DPP6: variants seen among roughly 807,000 people sequenced by gnomAD.
The protein encoded by DPP6 is A-type potassium channel modulatory protein DPP6.
DPP6 carries 69 observed loss-of-function variants against 122.6 expected under a neutral mutation model. The observed-to-expected ratio is 0.56, with a 90% confidence interval of 0.46 to 0.69. DPP6 has a LOEUF of 0.69. Ranked by LOEUF, DPP6 falls within the 30% of genes least tolerant of loss-of-function variation. The probability of loss-of-function intolerance (pLI) is 0.00; values close to 1 mark genes in which losing one functional copy is unlikely to be tolerated. For synonymous variants in DPP6, 418 were observed against 433.1 expected, an observed-to-expected ratio of 0.97 and a Z score of 0.43; for missense variants, 928 against 1,116.9, an observed-to-expected ratio of 0.83 and a Z score of 2.41.
chr7:153,957,578 G>T (rs1164450635), intron 1 of DPP6, among the ~76,000 whole-genome samples: 4 of 152,200 alleles, frequency 2.6e-5, no homozygotes, highest in Admixed American at 2.0e-4. Context: ...CGAGAAGGAG[G>T]CCTGGGCAAG....
In DPP6 at chr7:153,887,735, G is replaced by T; in HGVS notation, c.51+1G>T. 3.7e-6 allele frequency: 6 copies of T among 1,613,800 alleles called. No homozygotes were observed. Among genetic ancestry groups the T allele is most frequent in the Non-Finnish European group, 5.1e-6 (6 of 1,179,796 alleles). On this transcript the variant is annotated splice_donor_variant, in intron 1 of 25. Transcript: ENST00000404039. LOFTEE classifies it high-confidence loss of function. ...CGCTAAGATGCAGGGGAACGTGATG[G>T]TGAGTGCCACGGACAGGGCGCGCGC...
At position 154,632,889 on chromosome 7, in the gene DPP6, A is replaced by G. The variant is rs538381997; in HGVS notation, c.628-4932A>G. Among the ~76,000 whole-genome samples the G allele has an allele frequency of 2.0e-5, 3 of 152,342 alleles. No homozygotes were observed. In the East Asian group the frequency reaches 5.8e-4, roughly 29 times the overall value. On this transcript the variant is annotated intron_variant, in intron 5 of 25. Transcript: ENST00000377770. Reference sequence around the variant, plus strand: ...GAAATTTTAGAGAGATAAGAAGCAGACCAAATATGAACTCACCCTGTGACA... The same window carrying G: ...GAAATTTTAGAGAGATAAGAAGCAGGCCAAATATGAACTCACCCTGTGACA...
chr7:153,948,320 A>C (rs963135323), intron 1 of DPP6, among the ~76,000 whole-genome samples: 2 of 152,194 alleles, frequency 1.3e-5, no homozygotes, highest in African/African-American at 4.8e-5. Context: ...TTTATTTGGA[A>C]AATGAAGCAT....
the DPP6 span, among the ~76,000 whole-genome samples, chr7:153,797,033 C>A: frequency 6.6e-6 from 1 of 152,170 alleles, no homozygotes; most frequent in South Asian, 2.1e-4. Flanking sequence ...TGGAGGGGCC[C>A]ACATGACAAG....
rs183873428 is a variant in DPP6 at position 154,838,655 on chromosome 7, G to A, written c.1667-15125G>A. On this transcript the variant is annotated intron_variant, in intron 16 of 25. Transcript: ENST00000377770. ...CGGGCAGACTCTGGAAGGCAGCCAG[G>A]GTGCTGGCCCCTAAGGACGCACGTG... 1.7e-3 allele frequency: 252 copies of A among 152,342 alleles called. 1 individual carries two copies. Among genetic ancestry groups the A allele is most frequent in the African/African-American group, 5.8e-3 (240 of 41,564 alleles). 9.4% of individuals were successfully genotyped at this position (152,342 alleles called of 1,614,324 possible).
At chr7:154,297,436 C>T (rs1033730675) in intron 1 of DPP6, among the ~76,000 whole-genome samples, 6 of 152,188 alleles carry the variant, frequency 3.9e-5, no homozygotes, top group African/African-American at 1.2e-4. Flanking sequence ...TTTAGATGCT[C>T]ATGCACTTGC....
intron 3 of DPP6, among the ~76,000 whole-genome samples, chr7:154,526,641 G>A (rs1031132107): frequency 4.6e-5 from 7 of 152,128 alleles, no homozygotes; most frequent in Admixed American, 3.9e-4. Context: ...TATAAATATG[G>A]TCCAACTAAA....
At chr7:154,456,407 G>C (rs1820830502) in intron 2 of DPP6, among the ~76,000 whole-genome samples, 1 of 152,142 alleles carries the variant, frequency 6.6e-6, no homozygotes, top group Admixed American at 6.5e-5. Flanking sequence ...CATTTAATCA[G>C]TCTCTTTCTT....
intron 1 of DPP6, among the ~76,000 whole-genome samples, chr7:154,349,768 T>C (rs1452894266): frequency 6.6e-6 from 1 of 152,232 alleles, no homozygotes; most frequent in East Asian, 1.9e-4. Context: ...TTAATACTTC[T>C]GAAGACCTCT....
intron 1 of DPP6, among the ~76,000 whole-genome samples, chr7:154,111,108 G>T (rs1806539511): frequency 6.6e-6 from 1 of 152,166 alleles, no homozygotes; most frequent in South Asian, 2.1e-4. Flanking sequence ...CAGAAAGAAG[G>T]GCTTTGACAA....
At chr7:153,823,495 C>T in the DPP6 span, among the ~76,000 whole-genome samples, 5 of 150,590 alleles carry the variant, frequency 3.3e-5, no homozygotes, top group East Asian at 9.9e-4. Context: ...CCTCAGGTTC[C>T]CACAGACAGC....
At chr7:153,869,511 C>G in the DPP6 span, among the ~76,000 whole-genome samples, 14 of 152,238 alleles carry the variant, frequency 9.2e-5, 1 homozygote, top group African/African-American at 3.4e-4. Context: ...CTTGGTAGAT[C>G]TTCCTCCATC....
At chr7:153,916,773 A>G (rs1800346075) in intron 1 of DPP6, among the ~76,000 whole-genome samples, 1 of 152,150 alleles carries the variant, frequency 6.6e-6, no homozygotes, top group Admixed American at 6.5e-5. Flanking sequence ...GCTTACATTC[A>G]AACCTATAAA....
chr7:154,485,861 T>A (rs1270686528), intron 3 of DPP6, among the ~76,000 whole-genome samples: 2 of 152,148 alleles, frequency 1.3e-5, no homozygotes, highest in Non-Finnish European at 2.9e-5. Context: ...GTTACATATG[T>A]ATACATGTGC....
At chr7:154,407,896 T>C (rs1816257261) in intron 1 of DPP6, among the ~76,000 whole-genome samples, 1 of 152,206 alleles carries the variant, frequency 6.6e-6, no homozygotes, top group South Asian at 2.1e-4. Context: ...GTTTCTAGCA[T>C]TGGCTTTGCA....
chr7:154,558,010 C>T (rs62477164), intron 4 of DPP6, among the ~76,000 whole-genome samples: 27,736 of 151,866 alleles, frequency 0.18, 2,997 homozygotes, highest in East Asian at 0.56. Flanking sequence ...AGGTTTGTTA[C>T]GTAGGTATAC....
At chr7:154,332,333 A>G (rs919995658) in intron 1 of DPP6, among the ~76,000 whole-genome samples, 14 of 152,226 alleles carry the variant, frequency 9.2e-5, no homozygotes, top group African/African-American at 3.4e-4. Context: ...CAGCCTCCCA[A>G]AGTGCTGGGA....
chr7:154,508,715 T>C (rs1825841290), intron 3 of DPP6, among the ~76,000 whole-genome samples: 1 of 152,294 alleles, frequency 6.6e-6, no homozygotes, highest in Non-Finnish European at 1.5e-5. Flanking sequence ...TTGGAAAATG[T>C]AGTCTGGTTG....
rs1823448469 is a variant in DPP6 at position 154,483,021 on chromosome 7, G to T, written c.457+7984G>T. Among the ~76,000 whole-genome samples, 1 of 152,136 alleles carries T rather than the reference G, an allele frequency of 6.6e-6. No individual in the cohort carries two copies. The highest frequency in any genetic ancestry group is 2.1e-4 in the South Asian group (1 of 4,822). ...TATTGAGAACTGGGGATGAAGCCAG[G>T]TGAGAGGTTGGAGCCATCTGGAGGA... On this transcript the variant is annotated intron_variant, in intron 3 of 25. Coordinates refer to ENST00000377770, the MANE Select transcript of DPP6 (RefSeq NM_130797.4). The surrounding 1 kb of genome is among the most constrained non-coding windows in gnomAD (Gnocchi z 8.1).
Sources: gnomAD v4.1 joint callset for allele counts (sites outside exome capture counted in the v4.1 genomes callset) on GRCh38, gnomAD v4.1.1 for gene constraint, Gnocchi (gnomAD v3.1) non-coding constraint, MANE v1.5 for transcripts, NCBI Gene and HGNC (gene_info 2026-07-23, HGNC 2026-07-21) for gene names.